Variants in FSTL5 observed in about 807,000 individuals in gnomAD.
The protein encoded by FSTL5 is follistatin like 5.
Under a neutral mutation model 89.1 loss-of-function variants are expected in FSTL5, and 62 were observed. That is an observed-to-expected ratio of 0.70 (90% CI 0.57 to 0.86). The LOEUF is 0.86. FSTL5 is among the 40% of genes least tolerant of loss of function. The pLI is 0.00. For missense variants in FSTL5, 1,057 were observed against 1,001.6 expected, an observed-to-expected ratio of 1.06 and a Z score of -0.75; for synonymous variants, 383 against 346.2, an observed-to-expected ratio of 1.11 and a Z score of -1.18.
At chr4:161,790,545 T>C (rs1168565796) in intron 4 of FSTL5, among the ~76,000 whole-genome samples, 3 of 152,344 alleles carry the variant, frequency 2.0e-5, no homozygotes, top group South Asian at 2.1e-4. Context: ...CTTTTTATTA[T>C]GAATTCTAAT....
At chr4:161,538,343 G>A in intron 9 of FSTL5, 43 bp from the exon 10 acceptor site, 1 of 1,609,392 alleles carries the variant, frequency 6.2e-7, no homozygotes, top group Non-Finnish European at 8.5e-7. Flanking sequence ...TACAATTTCA[G>A]TTTTGGAACA....
intron 5 of FSTL5, among the ~76,000 whole-genome samples, chr4:161,770,885 T>C (rs764112882): frequency 3.3e-5 from 5 of 151,978 alleles, no homozygotes; most frequent in Non-Finnish European, 5.9e-5. Flanking sequence ...TCGCAGAATG[T>C]CAATGTTTAG....
intron 15 of FSTL5, among the ~76,000 whole-genome samples, chr4:161,431,827 C>A (rs1479881319): frequency 6.6e-6 from 1 of 151,878 alleles, no homozygotes; most frequent in Non-Finnish European, 1.5e-5. Context: ...AAACTTACTA[C>A]AGATAGAATA....
chr4:161,647,012 C>T (rs370659241), intron 7 of FSTL5, among the ~76,000 whole-genome samples: 25 of 152,120 alleles, frequency 1.6e-4, no homozygotes, highest in African/African-American at 6.0e-4. Flanking sequence ...TGATGTATTC[C>T]CATTTACCTA....
chr4:161,478,600 A>ATT (rs60233588), intron 13 of FSTL5, among the ~76,000 whole-genome samples: 3 of 151,276 alleles, frequency 2.0e-5, no homozygotes, highest in South Asian at 2.1e-4. Flanking sequence ...AAAATCACCG[A>ATT]TTTTTTTTTA....
intron 3 of FSTL5, among the ~76,000 whole-genome samples, chr4:162,023,240 T>A (rs1737159958): frequency 6.6e-6 from 1 of 152,138 alleles, no homozygotes; most frequent in African/African-American, 2.4e-5. Context: ...AGAAACGATT[T>A]TTTAATTTTG....
At chr4:161,771,317 T>C (rs1741202618) in intron 5 of FSTL5, among the ~76,000 whole-genome samples, 2 of 152,124 alleles carry the variant, frequency 1.3e-5, no homozygotes, top group South Asian at 2.1e-4. Flanking sequence ...ATGCTTTCTA[T>C]GTGCTAGCAA....
intron 1 of FSTL5, among the ~76,000 whole-genome samples, chr4:162,131,373 G>A (rs532364226): frequency 4.9e-4 from 74 of 152,218 alleles, no homozygotes; most frequent in African/African-American, 1.7e-3. Context: ...ACAAACTATG[G>A]ATTGTGGGTA....
chr4:161,822,028 T>C (rs1345699797), intron 4 of FSTL5, among the ~76,000 whole-genome samples: 1 of 152,200 alleles, frequency 6.6e-6, no homozygotes. Context: ...TCATAGTGGT[T>C]GTACTAGTTT....
chr4:161,782,083 T>C (rs1741692082), intron 4 of FSTL5, among the ~76,000 whole-genome samples: 1 of 152,168 alleles, frequency 6.6e-6, no homozygotes, highest in Non-Finnish European at 1.5e-5. Flanking sequence ...GCTCACTTCT[T>C]TTTAGAACCG....
intron 6 of FSTL5, among the ~76,000 whole-genome samples, chr4:161,697,835 T>C (rs149196163): frequency 7.6e-4 from 116 of 152,268 alleles, no homozygotes; most frequent in African/African-American, 2.7e-3. Flanking sequence ...CTAGAGCCTA[T>C]TTGGAGTTTC....
chr4:161,412,139 T>C (rs1731613993), intron 15 of FSTL5, among the ~76,000 whole-genome samples: 1 of 151,462 alleles, frequency 6.6e-6, no homozygotes, highest in Admixed American at 6.6e-5. Context: ...ACAAGGAGGG[T>C]GAAAGACCTC....
rs35139981 is a variant in FSTL5 at position 161,516,724 on chromosome 4, T to TACACAC, written c.1313-6306_1313-6301dup. 2.8e-3 allele frequency among the ~76,000 whole-genome samples: 352 copies of TACACAC among 127,282 alleles called. 18 individuals carry two copies. Among genetic ancestry groups the TACACAC allele is most frequent in the Middle Eastern group, 8.5e-3 (2 of 236 alleles). The allele number at this position is 127,282 out of a possible 152,430, so 83.5% of individuals were successfully genotyped here. On this transcript the variant is annotated intron_variant, in intron 10 of 15. Transcript: ENST00000306100. ...ATATGTAAATATATATATATATATGTACACACACACACACACACACACACA... is the reference window on the plus strand; with the variant it reads ...ATATGTAAATATATATATATATATGTACACACACACACACACACACACACACACACA...
At chr4:161,944,527 T>C (rs1408867726) in intron 3 of FSTL5, among the ~76,000 whole-genome samples, 1 of 152,012 alleles carries the variant, frequency 6.6e-6, no homozygotes, top group Non-Finnish European at 1.5e-5. Flanking sequence ...TACTATATAT[T>C]TTAGCCAAGC....
chr4:161,795,499 C>T (rs1303049656), intron 4 of FSTL5, among the ~76,000 whole-genome samples: 2 of 152,002 alleles, frequency 1.3e-5, no homozygotes, highest in East Asian at 1.9e-4. Flanking sequence ...CAGTTCCTTC[C>T]TTCCTTTTGA....
At chr4:161,739,992 G>T (rs976369231) in intron 6 of FSTL5, among the ~76,000 whole-genome samples, 2 of 149,038 alleles carry the variant, frequency 1.3e-5, no homozygotes, top group Non-Finnish European at 3.0e-5. Flanking sequence ...AAATAGGATA[G>T]TATCTATTTA....
chr4:162,107,201 C>T (rs541591956), intron 2 of FSTL5, among the ~76,000 whole-genome samples: 3 of 152,222 alleles, frequency 2.0e-5, no homozygotes, highest in South Asian at 2.1e-4. Flanking sequence ...ATTTAGACTG[C>T]GTATCTCCAA....
intron 7 of FSTL5, among the ~76,000 whole-genome samples, chr4:161,597,809 C>T (rs1174461684): frequency 6.6e-6 from 1 of 151,906 alleles, no homozygotes; most frequent in Admixed American, 6.6e-5. Flanking sequence ...AGAGGTGTCC[C>T]TCAAATTCTA....
chr4:162,162,359 G>T (rs778592714), intron 1 of FSTL5, among the ~76,000 whole-genome samples: 1 of 152,000 alleles, frequency 6.6e-6, no homozygotes, highest in Non-Finnish European at 1.5e-5. Flanking sequence ...TATTAAGTAC[G>T]AAACAGCTTT....
Sources: allele counts gnomAD v4.1 joint callset (sites outside exome capture counted in the v4.1 genomes callset), GRCh38; gene constraint gnomAD v4.1.1; transcripts MANE v1.5; gene names NCBI Gene and HGNC (gene_info 2026-07-23, HGNC 2026-07-21).